SMIM13: variants seen among roughly 807,000 people sequenced by gnomAD.
SMIM13 encodes the protein small integral membrane protein 13.
SMIM13 carries 3 observed loss-of-function variants against 5.9 expected under a neutral mutation model. The ratio of observed to expected loss-of-function variants is 0.51; its 90% CI spans 0.23 to 1.31. SMIM13 has a LOEUF of 1.31. SMIM13 is among the 40% of genes most tolerant of loss of function. The probability of loss-of-function intolerance (pLI) is 0.18; values close to 1 mark genes in which losing one functional copy is unlikely to be tolerated. For missense variants in SMIM13, 85 were observed against 109.9 expected (o/e 0.77, Z 1.01); for synonymous variants, 55 against 46.0 (o/e 1.19, Z -0.79).
chr6:11,106,934 A>G (rs971465137), intron 1 of SMIM13, among the ~76,000 whole-genome samples: 3 of 152,218 alleles, frequency 2.0e-5, no homozygotes, highest in African/African-American at 7.2e-5. Flanking sequence ...AGAAACGTGT[A>G]TTTGGAATTT....
intron 1 of SMIM13, among the ~76,000 whole-genome samples, chr6:11,124,801 T>G (rs1488326669): frequency 6.6e-6 from 1 of 152,172 alleles, no homozygotes; most frequent in Non-Finnish European, 1.5e-5. Flanking sequence ...TACCTTCAGG[T>G]GGTTTCTTAT....
chr6:11,129,122 T>A (rs186794778), intron 1 of SMIM13, among the ~76,000 whole-genome samples: 35 of 152,060 alleles, frequency 2.3e-4, no homozygotes, highest in Admixed American at 2.0e-3. Flanking sequence ...GCCATCTTCC[T>A]CTGCCTCCCT....
chr6:11,114,622 G>T (rs1250533538), intron 1 of SMIM13, among the ~76,000 whole-genome samples: 3 of 90,988 alleles, frequency 3.3e-5, no homozygotes, highest in African/African-American at 4.5e-5. Flanking sequence ...TTTTTGAGAT[G>T]GAGTCTCACT....
chr6:11,129,542 T>G (rs1169900199), intron 1 of SMIM13, among the ~76,000 whole-genome samples: 1 of 152,232 alleles, frequency 6.6e-6, no homozygotes, highest in Non-Finnish European at 1.5e-5. Flanking sequence ...TTTGGATGTA[T>G]AAACCAACAG....
chr6:11,124,893 G>A (rs1319274955), intron 1 of SMIM13, among the ~76,000 whole-genome samples: 3 of 152,076 alleles, frequency 2.0e-5, no homozygotes, highest in Non-Finnish European at 4.4e-5. Flanking sequence ...ATCCCCTAGC[G>A]GGAAAGTCTT....
At chr6:11,109,740 A>T (rs998504361) in intron 1 of SMIM13, among the ~76,000 whole-genome samples, 2 of 152,168 alleles carry the variant, frequency 1.3e-5, no homozygotes, top group Non-Finnish European at 2.9e-5. Flanking sequence ...ACAGAAAAAT[A>T]TTAGCCTTTT....
At chr6:11,128,457 C>T (rs892272615) in intron 1 of SMIM13, among the ~76,000 whole-genome samples, 8 of 152,120 alleles carry the variant, frequency 5.3e-5, no homozygotes, top group Non-Finnish European at 1.2e-4. Flanking sequence ...AGAAGTGTCT[C>T]CCCGACCTGT....
chr6:11,108,397 A>G (rs1437939968), intron 1 of SMIM13, among the ~76,000 whole-genome samples: 1 of 152,198 alleles, frequency 6.6e-6, no homozygotes, highest in Non-Finnish European at 1.5e-5. Flanking sequence ...CCTTCAGCTC[A>G]AGGAGCTGAA....
At chr6:11,133,690 T>C (rs992800751) in intron 1 of SMIM13, among the ~76,000 whole-genome samples, 3 of 152,052 alleles carry the variant, frequency 2.0e-5, no homozygotes, top group Admixed American at 6.5e-5. Flanking sequence ...TTGTTCCTTA[T>C]TAGCGAACAT....
intron 1 of SMIM13, among the ~76,000 whole-genome samples, chr6:11,096,352 C>T (rs1007839085): frequency 2.0e-5 from 3 of 152,124 alleles, no homozygotes; most frequent in Non-Finnish European, 2.9e-5. Context: ...AGACAGGAGG[C>T]GGAGCTCAGA....
At chr6:11,133,381 C>T (rs573090369) in intron 1 of SMIM13, among the ~76,000 whole-genome samples, 28 of 151,720 alleles carry the variant, frequency 1.8e-4, no homozygotes, top group Non-Finnish European at 4.1e-4. Flanking sequence ...ATTTTTTTTC[C>T]AGAGATAGTA....
Position 11,094,396 on chromosome 6 carries a change from G to A in SMIM13, c.76+7G>A. On this transcript the variant is annotated splice_region_variant and intron_variant, in intron 1 of 1. Coordinates refer to ENST00000416247, the MANE Select transcript of SMIM13 (RefSeq NM_001135575.2). ...CTGCTGCTGATGGTGTGCGGTGAGT[G>A]GGGGCGGTAGCCGCGAGGCAGTTCC... 2.0e-6 allele frequency: 3 copies of A among 1,533,964 alleles called. No homozygotes were observed. Among genetic ancestry groups the A allele is most frequent in the Non-Finnish European group, 2.6e-6 (3 of 1,141,920 alleles).
chr6:11,131,017 C>T (rs1193138175), intron 1 of SMIM13, among the ~76,000 whole-genome samples: 1 of 151,902 alleles, frequency 6.6e-6, no homozygotes, highest in Non-Finnish European at 1.5e-5. Flanking sequence ...GTAAATTTAC[C>T]ACTGTAATAT....
intron 1 of SMIM13, among the ~76,000 whole-genome samples, chr6:11,124,059 C>T (rs1015439191): frequency 2.0e-5 from 3 of 152,082 alleles, no homozygotes; most frequent in Non-Finnish European, 4.4e-5. Flanking sequence ...TTATTGTTGA[C>T]TGTAATCACC....
At chr6:11,116,620 C>T (rs1758243632) in intron 1 of SMIM13, among the ~76,000 whole-genome samples, 1 of 152,172 alleles carries the variant, frequency 6.6e-6, no homozygotes. Context: ...TCTGTTTACT[C>T]TGAATTGTAT....
At position 11,104,316 on chromosome 6, in the gene SMIM13, T is replaced by C. The variant is rs770346037; in HGVS notation, c.76+9927T>C. On this transcript the variant is annotated intron_variant, in intron 1 of 1. Coordinates refer to ENST00000416247, the MANE Select transcript of SMIM13 (RefSeq NM_001135575.2). ...ATAGATTGGTATTGGAAGAGAGAGA[T>C]TGCCAGGGGCTATGAAGATGTCTGG... 6.5e-5 allele frequency: 101 copies of C among 1,551,552 alleles called. No individual in the cohort carries two copies. The Middle Eastern group carries it at 8.3e-4, about 13-fold the overall frequency.
intron 1 of SMIM13, among the ~76,000 whole-genome samples, chr6:11,120,957 A>G (rs1416895315): frequency 2.6e-5 from 4 of 152,216 alleles, no homozygotes; most frequent in Non-Finnish European, 2.9e-5. Context: ...AAGTTCATCT[A>G]TCACAACCCT....
chr6:11,124,393 C>A (rs1758349909), intron 1 of SMIM13, among the ~76,000 whole-genome samples: 1 of 152,186 alleles, frequency 6.6e-6, no homozygotes, highest in African/African-American at 2.4e-5. Context: ...ATCCATTTGT[C>A]TGTTGATGGA....
intron 1 of SMIM13, among the ~76,000 whole-genome samples, chr6:11,111,966 C>T (rs1325119600): frequency 6.6e-6 from 1 of 152,116 alleles, no homozygotes; most frequent in African/African-American, 2.4e-5. Flanking sequence ...TGTCATTTTG[C>T]TTCTTAGTGC....
Sources: allele counts gnomAD v4.1 joint callset (sites outside exome capture counted in the v4.1 genomes callset), GRCh38; gene constraint gnomAD v4.1.1; transcripts MANE v1.5; gene names NCBI Gene and HGNC (gene_info 2026-07-23, HGNC 2026-07-21).